The following MYO3A variants were observed in gnomAD, a reference collection of about 807,000 sequenced individuals.
MYO3A encodes the protein myosin IIIA, also known as myosin-IIIa.
MYO3A carries 180 observed loss-of-function variants against 192.7 expected under a neutral mutation model. The ratio of observed to expected loss-of-function variants is 0.93; its 90% CI spans 0.83 to 1.06. The LOEUF (loss-of-function observed/expected upper bound fraction) is 1.06, where lower values mean the gene tolerates loss of function less well. Ranked by LOEUF, MYO3A falls within the 50% of genes least tolerant of loss-of-function variation. The probability of loss-of-function intolerance (pLI) is 0.00; values close to 1 mark genes in which losing one functional copy is unlikely to be tolerated. For synonymous variants in MYO3A, 628 were observed against 645.3 expected, an observed-to-expected ratio of 0.97 and a Z score of 0.41; for missense variants, 1,896 against 1,905.0, an observed-to-expected ratio of 1.00 and a Z score of 0.09.
chr10:26,075,097 A>G (rs1835446584), intron 14 of MYO3A, among the ~76,000 whole-genome samples: 1 of 151,912 alleles, frequency 6.6e-6, no homozygotes, highest in South Asian at 2.1e-4. Context: ...CCACTAGTTG[A>G]TGTGTCTGTT....
At position 26,173,650 on chromosome 10, in the gene MYO3A, A is replaced by C; in HGVS notation, c.3399-13A>C. ...TTAGTACTGTATATTCAAAGATAAT[A>C]TATTTTACACAGGGAATCTTTCGTG... On this transcript the variant is annotated splice_polypyrimidine_tract_variant and intron_variant, in intron 29 of 34. Coordinates refer to ENST00000642920, the MANE Select transcript of MYO3A (RefSeq NM_017433.5). 2 of 1,609,038 alleles carry C rather than the reference A, an allele frequency of 1.2e-6. No individual in the cohort carries two copies. Among genetic ancestry groups the C allele is most frequent in the South Asian group, 2.2e-5 (2 of 90,836 alleles).
intron 31 of MYO3A, among the ~76,000 whole-genome samples, chr10:26,184,472 A>G (rs1842769986): frequency 6.6e-6 from 1 of 152,214 alleles, no homozygotes; most frequent in African/African-American, 2.4e-5. Context: ...GACATGTGAT[A>G]TTTCTGCAAA....
intron 6 of MYO3A, among the ~76,000 whole-genome samples, chr10:26,007,325 A>G (rs1564453389): frequency 6.6e-6 from 1 of 150,768 alleles, no homozygotes; most frequent in Non-Finnish European, 1.5e-5. Context: ...CCGGCACAAG[A>G]CAGGGATGCC....
intron 17 of MYO3A, among the ~76,000 whole-genome samples, chr10:26,103,150 C>T (rs1837575807): frequency 6.6e-6 from 1 of 152,218 alleles, no homozygotes; most frequent in African/African-American, 2.4e-5. Context: ...GCTGTGCTAG[C>T]AGTGAGTGAG....
At chr10:26,114,905 G>C (rs1273806114) in intron 17 of MYO3A, among the ~76,000 whole-genome samples, 1 of 152,106 alleles carries the variant, frequency 6.6e-6, no homozygotes, top group East Asian at 1.9e-4. Flanking sequence ...ACGAAGTCTG[G>C]GGTGGAAAAA....
Position 25,997,211 on chromosome 10 carries a change from A to G in MYO3A, c.461A>G (p.Asn154Ser), listed in dbSNP as rs373878897. Reference protein sequence around the residue: ...NKTIHRDVKGNNILLTTEGGV... With the variant: ...NKTIHRDVKGSNILLTTEGGV... ...ACTATCCACAGAGATGTGAAAGGCA[A>G]TAACATTCTATTGACCACGGAAGGT... Residue 154 changes from asparagine to serine, a missense_variant, in exon 6 of 35, where the codon AAT (asparagine) becomes AGT (serine). By Grantham distance (46) the Asn-to-Ser change is conservative (BLOSUM62 1). Coordinates refer to ENST00000642920, the MANE Select transcript of MYO3A (RefSeq NM_017433.5). 4 of 1,613,556 alleles carry G rather than the reference A, an allele frequency of 2.5e-6. No homozygotes were observed. The highest frequency in any genetic ancestry group is 2.2e-5 in the East Asian group (1 of 44,766).
intron 26 of MYO3A, among the ~76,000 whole-genome samples, chr10:26,160,644 C>A (rs897534101): frequency 6.6e-6 from 1 of 151,630 alleles, no homozygotes; most frequent in Admixed American, 6.6e-5. Context: ...GACCCTATCT[C>A]TAAAAAAAAT....
chr10:26,042,954 T>A (rs963432270), intron 10 of MYO3A, among the ~76,000 whole-genome samples: 9 of 152,204 alleles, frequency 5.9e-5, no homozygotes, highest in Non-Finnish European at 8.8e-5. Context: ...CCTATCTTTC[T>A]TGGGAAGGCT....
chr10:25,969,350 A>G (rs1225701437), intron 4 of MYO3A, among the ~76,000 whole-genome samples: 1 of 152,210 alleles, frequency 6.6e-6, no homozygotes, highest in African/African-American at 2.4e-5. Flanking sequence ...AAACTTGATC[A>G]TAGGATATAT....
chr10:26,092,117 G>T (rs1836736918), intron 15 of MYO3A, among the ~76,000 whole-genome samples: 1 of 152,180 alleles, frequency 6.6e-6, no homozygotes, highest in Non-Finnish European at 1.5e-5. Flanking sequence ...AGGGAGCTGT[G>T]ATTAAAAAGG....
intron 17 of MYO3A, among the ~76,000 whole-genome samples, chr10:26,107,806 T>TA (rs886709781): frequency 6.6e-6 from 1 of 151,816 alleles, no homozygotes; most frequent in Non-Finnish European, 1.5e-5. Context: ...TTTCGAATCT[T>TA]AAAAAAAAGA....
At position 26,109,351 on chromosome 10, in the gene MYO3A, A is replaced by G. The variant is rs1331943920; in HGVS notation, c.1777-11325A>G. ...TTACCTGTAGTCAACTGCAGTTTGA[A>G]AATATTAAACAGAAAATTCTAGAAA... On this transcript the variant is annotated intron_variant, in intron 17 of 34. Transcript: ENST00000642920. Among the ~76,000 whole-genome samples the G allele has an allele frequency of 3.9e-5, 6 of 152,218 alleles. No individual in the cohort carries two copies. In the East Asian group the frequency reaches 1.2e-3, roughly 29 times the overall value.
At chr10:26,148,710 C>G (rs1217152402) in intron 23 of MYO3A, among the ~76,000 whole-genome samples, 1 of 152,186 alleles carries the variant, frequency 6.6e-6, no homozygotes, top group African/African-American at 2.4e-5. Flanking sequence ...TTTTGCACAT[C>G]CTTTGCCAAA....
intron 10 of MYO3A, among the ~76,000 whole-genome samples, chr10:26,033,824 G>A (rs1313215501): frequency 2.0e-5 from 3 of 152,332 alleles, no homozygotes; most frequent in African/African-American, 7.2e-5. Flanking sequence ...TGAATCATGT[G>A]AAGATAGAGT....
chr10:26,117,987 C>T (rs892627051), intron 17 of MYO3A, among the ~76,000 whole-genome samples: 2 of 152,182 alleles, frequency 1.3e-5, no homozygotes, highest in African/African-American at 4.8e-5. Context: ...TTTTTCTCCA[C>T]AACCTCACCA....
At chr10:26,095,349 T>C (rs1171528693) in intron 15 of MYO3A, among the ~76,000 whole-genome samples, 1 of 151,998 alleles carries the variant, frequency 6.6e-6, no homozygotes, top group African/African-American at 2.4e-5. Flanking sequence ...CTGGTGATAA[T>C]GGAGTGAACA....
intron 2 of MYO3A, among the ~76,000 whole-genome samples, chr10:25,949,047 T>G (rs1353528666): frequency 6.6e-6 from 1 of 152,140 alleles, no homozygotes; most frequent in Non-Finnish European, 1.5e-5. Flanking sequence ...ACTTCAGAAT[T>G]TTTTCTGAAT....
At chr10:26,058,960 A>G (rs1322999636) in intron 10 of MYO3A, among the ~76,000 whole-genome samples, 2 of 152,156 alleles carry the variant, frequency 1.3e-5, no homozygotes, top group Non-Finnish European at 2.9e-5. Flanking sequence ...TGTAAGTGGT[A>G]TTGTGTTTTT....
At chr10:26,132,026 A>G (rs923248840) in intron 20 of MYO3A, among the ~76,000 whole-genome samples, 13 of 152,242 alleles carry the variant, frequency 8.5e-5, no homozygotes, top group Non-Finnish European at 1.9e-4. Context: ...TTATTGTGTC[A>G]TACACTGTCA....
Sources: allele counts gnomAD v4.1 joint callset (sites outside exome capture counted in the v4.1 genomes callset), GRCh38; gene constraint gnomAD v4.1.1; transcripts MANE v1.5; gene names NCBI Gene and HGNC (gene_info 2026-07-23, HGNC 2026-07-21).